Variants in EDNRB observed in about 807,000 individuals in gnomAD.
EDNRB encodes endothelin receptor type B.
In EDNRB, 18 loss-of-function variants were observed where a neutral mutation model predicts 46.4. The observed-to-expected ratio is 0.39, with a 90% CI of 0.27 to 0.57. EDNRB has a LOEUF of 0.57. Ranked by LOEUF, EDNRB falls within the 20% of genes least tolerant of loss-of-function variation. The pLI, the probability that EDNRB is intolerant of heterozygous loss-of-function variation, is 0.61. For synonymous variants in EDNRB, 213 were observed against 204.9 expected (o/e 1.04, Z -0.34); for missense variants, 434 against 537.5 (o/e 0.81, Z 1.90).
rs1881180006 is a variant in EDNRB, at chr13:77,954,527, T to TA, written c.-52+20819_-52+20820insT. On this transcript the variant is annotated intron_variant, in intron 1 of 7. Coordinates refer to the EDNRB transcript ENST00000646948. Reference sequence around the variant, plus strand: ...TTATTTATTTATTTATTTATTTATTTTTGAGACAGAGTCTCACTCTGTCAC... The same window carrying TA: ...TTATTTATTTATTTATTTATTTATTTATTGAGACAGAGTCTCACTCTGTCAC... Among the ~76,000 whole-genome samples the TA allele has an allele frequency of 1.2e-4, 17 of 143,642 alleles. No individual in the cohort carries two copies. In the Admixed American group the frequency reaches 1.2e-3, roughly 10 times the overall value. The allele number at this position is 143,642 out of a possible 152,430, so 94.2% of individuals were successfully genotyped here.
intron 1 of EDNRB, among the ~76,000 whole-genome samples, chr13:77,962,511 G>A (rs1881454198): frequency 6.6e-6 from 1 of 152,058 alleles, no homozygotes; most frequent in Non-Finnish European, 1.5e-5. Context: ...CAGAACCAAA[G>A]ACAAAAACCA....
intron 1 of EDNRB, among the ~76,000 whole-genome samples, chr13:77,974,546 G>T (rs1469270395): frequency 2.0e-5 from 3 of 152,004 alleles, no homozygotes; most frequent in South Asian, 2.1e-4. Flanking sequence ...AAGGAATAGG[G>T]TACACTTTTT....
rs1324125884 is a variant in EDNRB at position 77,918,418 on chromosome 13, G to A, written c.156C>T (p.Thr52=). Reference sequence around the variant, plus strand: ...TGGCGTTGGAACCCTTGGGCCATAAGGTCTTAGTGGGTGGCGTCATTATCT... The same window carrying A: ...TGGCGTTGGAACCCTTGGGCCATAAAGTCTTAGTGGGTGGCGTCATTATCT... ...TAEIMTPPTK[T]LWPKGSNASL... The change falls in exon 1 of 7, where the codon ACC becomes ACT. Residue 52 remains threonine (T), a synonymous_variant. Transcript: ENST00000646607. The surrounding 1 kb of genome is among the most constrained non-coding windows in gnomAD (Gnocchi z 4.5). 1.3e-6 allele frequency: 2 copies of A among 1,576,656 alleles called. No individual in the cohort carries two copies. The highest frequency in any genetic ancestry group is 1.7e-6 in the Non-Finnish European group (2 of 1,162,264).
At chr13:77,959,459 A>G (rs1433027157) in intron 1 of EDNRB, among the ~76,000 whole-genome samples, 1 of 152,252 alleles carries the variant, frequency 6.6e-6, no homozygotes, top group East Asian at 1.9e-4. Context: ...AGCAAACTCC[A>G]ACAGACCTGC....
chr13:77,931,397 T>C (rs1426644690), intron 1 of EDNRB, among the ~76,000 whole-genome samples: 2 of 152,148 alleles, frequency 1.3e-5, no homozygotes, highest in African/African-American at 2.4e-5. Context: ...GGAAATAGTC[T>C]CCCAAAGACT....
At position 77,898,027 on chromosome 13, in the gene EDNRB, C is replaced by T. The variant is rs1030807770; in HGVS notation, c.*173G>A. On this transcript the variant is annotated 3_prime_UTR_variant, in exon 7 of 7. Transcript: ENST00000646607. ...ACTGATTTTCTTTCCATGCCGTAAACAGCTCATAAAATGTCATATGTAGCT... is the reference window on the plus strand; with the variant it reads ...ACTGATTTTCTTTCCATGCCGTAAATAGCTCATAAAATGTCATATGTAGCT... The T allele has an allele frequency of 2.8e-6, 4 of 1,413,064 alleles. No homozygotes were observed. Among genetic ancestry groups the T allele is most frequent in the Non-Finnish European group, 3.7e-6 (4 of 1,086,546 alleles). The allele number at this position is 1,413,064 out of a possible 1,614,324, so 87.5% of individuals were successfully genotyped here.
intron 1 of EDNRB, chr13:77,939,994 C>CTAAA (rs60299666): frequency 0.34 from 48,549 of 144,428 alleles, 8,457 homozygotes; most frequent in South Asian, 0.45. Context: ...GACTCTGTCT[C>CTAAA]TAAATAAATA....
chr13:77,945,876 C>CAAAAAAAAAAAAAAAAAA (rs67463440), intron 1 of EDNRB, among the ~76,000 whole-genome samples: 2 of 115,592 alleles, frequency 1.7e-5, no homozygotes, highest in Admixed American at 9.0e-5. Flanking sequence ...TGCAAAAAAC[C>CAAAAAAAAAAAAAAAAAA]AAAAAAAAAA....
chr13:77,916,394 T>C (rs6563021), intron 1 of EDNRB, among the ~76,000 whole-genome samples: 82,589 of 152,070 alleles, frequency 0.54, 23,168 homozygotes, highest in Non-Finnish European at 0.62. Flanking sequence ...CTGGCCCTCA[T>C]GGAGTTGTGG....
intron 1 of EDNRB, among the ~76,000 whole-genome samples, chr13:77,931,584 G>A (rs893420407): frequency 6.6e-6 from 1 of 151,786 alleles, no homozygotes; most frequent in Non-Finnish European, 1.5e-5. Flanking sequence ...TCTAACAAAC[G>A]CCAGGGCGTC....
In EDNRB at chr13:77,937,892, T is replaced by C. The variant is rs961349009; in HGVS notation, c.-51-19268A>G. 3.9e-5 allele frequency among the ~76,000 whole-genome samples: 6 copies of C among 152,044 alleles called. No individual in the cohort carries two copies. In the East Asian group the frequency reaches 9.6e-4, roughly 24 times the overall value. On this transcript the variant is annotated intron_variant, in intron 1 of 7. Transcript: ENST00000646948. Reference sequence around the variant, plus strand: ...GATGAGCTGCATCGGGAACAGAGACTAGGGAGGGACTGTTGTGTAAAAGAA... The same window carrying C: ...GATGAGCTGCATCGGGAACAGAGACCAGGGAGGGACTGTTGTGTAAAAGAA...
At chr13:77,948,890 T>C (rs1881009831) in intron 1 of EDNRB, among the ~76,000 whole-genome samples, 1 of 152,200 alleles carries the variant, frequency 6.6e-6, no homozygotes, top group Admixed American at 6.5e-5. Flanking sequence ...GAAAATACCT[T>C]GGGAAGTAAA....
At chr13:77,919,058 C>A (rs747571755), upstream of EDNRB, 7 of 535,798 alleles carry the variant, frequency 1.3e-5, no homozygotes, top group Non-Finnish European at 2.0e-5. Context: ...GCAGGGGAAC[C>A]TCTATACCCC....
intron 1 of EDNRB, among the ~76,000 whole-genome samples, chr13:77,957,544 A>T (rs1313691707): frequency 6.6e-6 from 1 of 152,216 alleles, no homozygotes; most frequent in African/African-American, 2.4e-5. Context: ...TTATTTTCCC[A>T]GTCTGTCATT....
chr13:77,910,863 G>C (rs1254611686), intron 1 of EDNRB, among the ~76,000 whole-genome samples: 1 of 151,876 alleles, frequency 6.6e-6, no homozygotes, highest in Non-Finnish European at 1.5e-5. Context: ...TAGAACAATG[G>C]CTTATGAAAA....
intron 1 of EDNRB, among the ~76,000 whole-genome samples, chr13:77,954,398 A>G (rs1006295315): frequency 2.6e-5 from 4 of 152,128 alleles, no homozygotes; most frequent in African/African-American, 9.7e-5. Flanking sequence ...TCCTTCTGTG[A>G]TTGACCTATC....
intron 3 of EDNRB, among the ~76,000 whole-genome samples, chr13:77,902,336 G>C (rs1879037974): frequency 6.6e-6 from 1 of 151,930 alleles, no homozygotes; most frequent in Non-Finnish European, 1.5e-5. Context: ...CAATATGTCA[G>C]TGTGTTCAGC....
At chr13:77,965,855 A>C (rs1003347324) in intron 1 of EDNRB, among the ~76,000 whole-genome samples, 5 of 151,848 alleles carry the variant, frequency 3.3e-5, no homozygotes, top group South Asian at 2.1e-4. Flanking sequence ...CTTAATTATA[A>C]TTTTTATTTT....
intron 1 of EDNRB, among the ~76,000 whole-genome samples, chr13:77,958,567 G>C (rs1414613089): frequency 6.6e-6 from 1 of 151,966 alleles, no homozygotes. Flanking sequence ...GTAGAGATGG[G>C]GTTTCACCAT....
Sources: allele counts gnomAD v4.1 joint callset (sites outside exome capture counted in the v4.1 genomes callset), GRCh38; gene constraint gnomAD v4.1.1; non-coding constraint Gnocchi (gnomAD v3.1); transcripts MANE v1.5; gene names NCBI Gene and HGNC (gene_info 2026-07-23, HGNC 2026-07-21).